Variants in RGS6 observed in about 807,000 individuals in gnomAD.
RGS6 encodes regulator of G-protein signaling 6.
Under a neutral mutation model 78.5 loss-of-function variants are expected in RGS6, and 30 were observed. The ratio of observed to expected loss-of-function variants is 0.38; its 90% confidence interval spans 0.29 to 0.52. RGS6 has a LOEUF of 0.52. Ranked by LOEUF, RGS6 falls within the 20% of genes least tolerant of loss-of-function variation. The pLI is 0.85. For missense variants in RGS6, 495 were observed against 609.7 expected, an observed-to-expected ratio of 0.81 and a Z score of 1.98; for synonymous variants, 206 against 206.0, an observed-to-expected ratio of 1.00 and a Z score of 0.00.
At chr14:72,181,392 A>G (rs1046805152) in intron 2 of RGS6, among the ~76,000 whole-genome samples, 8 of 152,230 alleles carry the variant, frequency 5.3e-5, no homozygotes, top group Non-Finnish European at 1.2e-4. Context: ...TCCTGATCAT[A>G]AGGTGCTGAG....
intron 2 of RGS6, among the ~76,000 whole-genome samples, chr14:72,129,070 T>C (rs913890930): frequency 2.1e-4 from 32 of 152,234 alleles, no homozygotes; most frequent in African/African-American, 7.2e-4. Flanking sequence ...AGAAATCTTA[T>C]TAGCTTGCTT....
intron 2 of RGS6, among the ~76,000 whole-genome samples, chr14:72,056,968 C>T (rs1260417033): frequency 6.6e-6 from 1 of 152,046 alleles, no homozygotes; most frequent in Non-Finnish European, 1.5e-5. Flanking sequence ...GCTAAGGTAT[C>T]ATATGTGTTG....
At chr14:71,887,725 A>G in the RGS6 span, among the ~76,000 whole-genome samples, 11 of 152,296 alleles carry the variant, frequency 7.2e-5, 1 homozygote, top group African/African-American at 2.4e-4. Flanking sequence ...TGTCAAGACA[A>G]TGTGTGCACT....
chr14:71,872,588 TAA>T, the RGS6 span, among the ~76,000 whole-genome samples: 2 of 152,202 alleles, frequency 1.3e-5, no homozygotes, highest in African/African-American at 4.8e-5. Flanking sequence ...TATGTGTAAA[TAA>T]AGACAGTCTA....
At chr14:72,130,060 A>G (rs1320440888) in intron 2 of RGS6, among the ~76,000 whole-genome samples, 1 of 152,168 alleles carries the variant, frequency 6.6e-6, no homozygotes, top group African/African-American at 2.4e-5. Flanking sequence ...CTGGCTGACT[A>G]CAAATGTGGG....
At chr14:72,254,622 C>G (rs2056657195) in intron 2 of RGS6, among the ~76,000 whole-genome samples, 1 of 152,132 alleles carries the variant, frequency 6.6e-6, no homozygotes, top group South Asian at 2.1e-4. Flanking sequence ...ACTCTGATCA[C>G]CACTGATATT....
intron 2 of RGS6, among the ~76,000 whole-genome samples, chr14:72,077,804 G>A (rs1218920601): frequency 6.6e-6 from 1 of 152,100 alleles, no homozygotes; most frequent in African/African-American, 2.4e-5. Context: ...AAAACCCCTA[G>A]GGGTATTAGT....
the RGS6 span, among the ~76,000 whole-genome samples, chr14:71,917,755 G>C: frequency 3.3e-5 from 5 of 152,200 alleles, no homozygotes; most frequent in Non-Finnish European, 7.4e-5. Context: ...TCATCTTTCG[G>C]TAGTGTGTCC....
chr14:72,300,804 C>G (rs1413095829), intron 2 of RGS6, among the ~76,000 whole-genome samples: 1 of 152,166 alleles, frequency 6.6e-6, no homozygotes, highest in East Asian at 1.9e-4. Flanking sequence ...TATACCGTTT[C>G]TTTGACTTCT....
chr14:72,041,142 A>G (rs2092363983), intron 2 of RGS6, among the ~76,000 whole-genome samples: 2 of 152,038 alleles, frequency 1.3e-5, no homozygotes, highest in South Asian at 2.1e-4. Context: ...CTGATTCTTC[A>G]TATGCATTGA....
At chr14:72,180,892 A>G (rs551146218) in intron 2 of RGS6, among the ~76,000 whole-genome samples, 18 of 152,198 alleles carry the variant, frequency 1.2e-4, no homozygotes, top group Non-Finnish European at 2.5e-4. Flanking sequence ...TGCCTGTGCC[A>G]TGCTCTTGGA....
chr14:72,191,955 G>C (rs1308838705), intron 2 of RGS6, among the ~76,000 whole-genome samples: 3 of 152,126 alleles, frequency 2.0e-5, no homozygotes, highest in Admixed American at 6.5e-5. Context: ...TCCTCTGCTA[G>C]GTGTCCTCAG....
At chr14:72,151,093 T>G (rs1016868598) in intron 2 of RGS6, among the ~76,000 whole-genome samples, 1 of 152,078 alleles carries the variant, frequency 6.6e-6, no homozygotes, top group African/African-American at 2.4e-5. Flanking sequence ...ACTACACTGG[T>G]AGGTGATCAG....
chr14:72,495,718 C>A (rs144612188), intron 13 of RGS6, among the ~76,000 whole-genome samples: 1 of 152,280 alleles, frequency 6.6e-6, no homozygotes, highest in East Asian at 1.9e-4. Context: ...AGTTAATGAA[C>A]TTGCCCAAGG....
intron 2 of RGS6, among the ~76,000 whole-genome samples, chr14:72,164,041 T>C (rs988107848): frequency 6.6e-6 from 1 of 152,074 alleles, no homozygotes. Context: ...GGTTCGACTT[T>C]TTGGTGGTTA....
At chr14:72,289,427 A>G (rs2063180546) in intron 2 of RGS6, among the ~76,000 whole-genome samples, 1 of 151,678 alleles carries the variant, frequency 6.6e-6, no homozygotes, top group Admixed American at 6.6e-5. Context: ...CTTGGAACCC[A>G]ATCTGTGTCC....
At chr14:72,275,469 T>G (rs572209660) in intron 2 of RGS6, among the ~76,000 whole-genome samples, 2 of 152,320 alleles carry the variant, frequency 1.3e-5, no homozygotes, top group African/African-American at 4.8e-5. Flanking sequence ...GGCCATTGGT[T>G]TCACAGTAGG....
intron 2 of RGS6, among the ~76,000 whole-genome samples, chr14:72,064,001 G>T (rs572147339): frequency 6.6e-6 from 1 of 152,164 alleles, no homozygotes; most frequent in Admixed American, 6.5e-5. Context: ...GTAGTTCTTT[G>T]TTTTTCTCTA....
At position 72,045,714 on chromosome 14, in the gene RGS6, A is replaced by G. The variant is rs2092780095; in HGVS notation, c.84+80839A>G. On this transcript the variant is annotated intron_variant, in intron 2 of 17. Transcript: ENST00000553525. ...AGCTTTTATTTTCTTAAAGAAAAAA[A>G]AAAAAGCTCCCATAATGAGATAGGA... Among the ~76,000 whole-genome samples the G allele has an allele frequency of 2.0e-5, 3 of 152,058 alleles. No individual in the cohort carries two copies. In the South Asian group the frequency reaches 6.2e-4, roughly 32 times the overall value.
Sources: allele counts gnomAD v4.1 joint callset (sites outside exome capture counted in the v4.1 genomes callset), GRCh38; gene constraint gnomAD v4.1.1; transcripts MANE v1.5; gene names NCBI Gene and HGNC (gene_info 2026-07-23, HGNC 2026-07-21).